ARIH1: variants seen among roughly 807,000 people sequenced by gnomAD.
ARIH1 encodes the protein E3 ubiquitin-protein ligase ARIH1.
Under a neutral mutation model 85.0 loss-of-function variants are expected in ARIH1, and 8 were observed. That is an observed-to-expected ratio of 0.09 (90% CI 0.06 to 0.17). The LOEUF (loss-of-function observed/expected upper bound fraction) is 0.17. ARIH1 is among the 10% of genes least tolerant of loss of function. ARIH1 has a pLI of 1.00. For missense variants in ARIH1, 311 were observed against 718.1 expected, an observed-to-expected ratio of 0.43 and a Z score of 6.48; for synonymous variants, 238 against 253.6, an observed-to-expected ratio of 0.94 and a Z score of 0.59.
chr15:72,490,961 T>C (rs1186951704), intron 1 of ARIH1, among the ~76,000 whole-genome samples: 4 of 151,776 alleles, frequency 2.6e-5, no homozygotes, highest in African/African-American at 4.8e-5. Flanking sequence ...ACTAAAAATA[T>C]AAAAATTAGC....
chr15:72,541,723 ACAGAT>A (rs2140422563), intron 2 of ARIH1, among the ~76,000 whole-genome samples: 2 of 152,334 alleles, frequency 1.3e-5, no homozygotes, highest in East Asian at 3.9e-4. Flanking sequence ...TATATAGTGA[ACAGAT>A]CAGTGGGGAG....
chr15:72,567,299 CTT>C (rs763442417), intron 9 of ARIH1, 122 bp downstream of exon 9: 2,732 of 545,646 alleles, frequency 5.0e-3, no homozygotes, highest in East Asian at 6.4e-3. Context: ...TCCATTGAGT[CTT>C]TTTTTTTTTT....
At chr15:72,515,647 GTTCCATTATCTC>G (rs941780418) in intron 1 of ARIH1, among the ~76,000 whole-genome samples, 2 of 152,202 alleles carry the variant, frequency 1.3e-5, no homozygotes, top group Non-Finnish European at 2.9e-5. Flanking sequence ...ATAGGCAGTG[GTTCCATTATCTC>G]TTCAGTTTTC....
Position 72,572,123 on chromosome 15 carries a change from C to T in ARIH1, c.1173C>T (p.Arg391=), listed in dbSNP as rs1299307249. 6.2e-7 allele frequency: 1 copy of T among 1,608,462 alleles called. No homozygotes were observed. ...PHGSAWYNCN[R]YNEDDAKAAR... ...TTACTTGAAGGTACAACTGTAACCG[C>T]TATAATGAGGATGATGCAAAGGCAG... is the stretch of plus-strand genomic sequence containing the variant. Residue 391 remains arginine, a synonymous_variant, in exon 11 of 14, where the codon CGC becomes CGT. Coordinates refer to ENST00000379887, the MANE Select transcript of ARIH1 (RefSeq NM_005744.5).
chr15:72,525,955 A>G (rs903958850), intron 2 of ARIH1, among the ~76,000 whole-genome samples: 6 of 152,124 alleles, frequency 3.9e-5, no homozygotes, highest in African/African-American at 9.7e-5. Flanking sequence ...CATTTTTTGC[A>G]TATAAAAATT....
At chr15:72,523,706 T>C (rs1478215614) in intron 2 of ARIH1, among the ~76,000 whole-genome samples, 1 of 152,036 alleles carries the variant, frequency 6.6e-6, no homozygotes, top group African/African-American at 2.4e-5. Flanking sequence ...CACTCTGTGT[T>C]GTTGATAGGG....
intron 3 of ARIH1, among the ~76,000 whole-genome samples, chr15:72,552,288 GATTT>G (rs2064155929): frequency 6.6e-6 from 1 of 152,116 alleles, no homozygotes; most frequent in African/African-American, 2.4e-5. Context: ...AAATCCATTG[GATTT>G]ATTTTTGTTT....
chr15:72,524,624 A>G (rs992439868), intron 2 of ARIH1, among the ~76,000 whole-genome samples: 13 of 152,224 alleles, frequency 8.5e-5, no homozygotes, highest in Non-Finnish European at 1.8e-4. Flanking sequence ...TGAATATAGT[A>G]AAAGATTCCA....
At position 72,557,011 on chromosome 15, in the gene ARIH1, A is replaced by G. The variant is rs568604795; in HGVS notation, c.737+1104A>G. On this transcript the variant is annotated intron_variant, in intron 5 of 13. Coordinates refer to ENST00000379887, the MANE Select transcript of ARIH1 (RefSeq NM_005744.5). ...TTTCGTGTGTTTGCTATTGTGAATA[A>G]TGCCACAGTGAACATACTAGTGAAT... Among the ~76,000 whole-genome samples, 4 of 152,372 alleles carry G rather than the reference A, an allele frequency of 2.6e-5. No homozygotes were observed. In the East Asian group the frequency reaches 7.7e-4, roughly 29 times the overall value.
In ARIH1 at chr15:72,594,750, C is replaced by G. The variant is rs1043356058; in HGVS notation, c.*11458C>G. On this transcript the variant is annotated 3_prime_UTR_variant, in exon 14 of 14. Coordinates refer to ENST00000379887, the MANE Select transcript of ARIH1 (RefSeq NM_005744.5). ...CGTAGAGTTTTATATTAAATAGATA[C>G]ACAACAGTGTAGTCTGCAAATAATG... is the stretch of plus-strand genomic sequence containing the variant. 2.0e-5 allele frequency: 3 copies of G among 149,364 alleles called. No homozygotes were observed. Among genetic ancestry groups the G allele is most frequent in the African/African-American group, 7.4e-5 (3 of 40,498 alleles). 9.3% of individuals were successfully genotyped at this position (149,364 alleles called of 1,614,324 possible). A position where few individuals can be genotyped will look rare whatever the true frequency, so the allele number is the denominator to read the frequency against.
Position 72,594,243 on chromosome 15 carries a change from C to T in ARIH1, c.*10951C>T, listed in dbSNP as rs1352728854. The T allele has an allele frequency of 2.7e-5, 4 of 149,578 alleles. No individual in the cohort carries two copies. Among genetic ancestry groups the T allele is most frequent in the African/African-American group, 9.9e-5 (4 of 40,530 alleles). 9.3% of individuals were successfully genotyped at this position (149,578 alleles called of 1,614,324 possible). ...GGAGTGCAGTGGCGCGATCTTGGCT[C>T]ACTGCAACCTCCGCCTCCCGGGTTC... is the stretch of plus-strand genomic sequence containing the variant. On this transcript the variant is annotated 3_prime_UTR_variant, in exon 14 of 14. Transcript: ENST00000379887.
chr15:72,579,750 AT>A lies in ARIH1; in HGVS notation c.1216-979del, dbSNP rs2064287949. 2.0e-5 allele frequency among the ~76,000 whole-genome samples: 3 copies of A among 152,202 alleles called. No individual in the cohort carries two copies. The South Asian group carries it at 6.2e-4, about 31-fold the overall frequency. ...ATAACAAAAGTAGCAGTAGATGTCT[AT>A]TCCTGATTTTAGCCTAGATCACAGT... On this transcript the variant is annotated intron_variant, in intron 11 of 13. Transcript: ENST00000379887.
chr15:72,553,576 T>G (rs2064161856), intron 3 of ARIH1, among the ~76,000 whole-genome samples: 1 of 152,094 alleles, frequency 6.6e-6, no homozygotes, highest in African/African-American at 2.4e-5. Context: ...CAACTGCTCA[T>G]CTGTTTTCTT....
At position 72,593,561 on chromosome 15, in the gene ARIH1, T is replaced by C. The variant is rs1174354561; in HGVS notation, c.*10269T>C. ...TGGATATACAGTTGTTCCAGCAACA[T>C]TTACTTAAAAAGACTTTTCTTTACC... On this transcript the variant is annotated 3_prime_UTR_variant, in exon 14 of 14. Coordinates refer to ENST00000379887, the MANE Select transcript of ARIH1 (RefSeq NM_005744.5). 5.9e-5 allele frequency: 9 copies of C among 152,224 alleles called. No homozygotes were observed. The highest frequency in any genetic ancestry group is 4.4e-5 in the Non-Finnish European group (3 of 68,044). 9.4% of individuals were successfully genotyped at this position (152,224 alleles called of 1,614,324 possible). A position where few individuals can be genotyped will look rare whatever the true frequency, so the allele number is the denominator to read the frequency against.
chr15:72,585,167 T>A lies in ARIH1; in HGVS notation c.*1875T>A, dbSNP rs2064310728. ...TTTACTGGCAACTGTTCTTTTCCCA[T>A]CAAAAATCAGTGAATGTTTGCTGAG... On this transcript the variant is annotated 3_prime_UTR_variant, in exon 14 of 14. Coordinates refer to ENST00000379887, the MANE Select transcript of ARIH1 (RefSeq NM_005744.5). 1.3e-5 allele frequency: 2 copies of A among 152,144 alleles called. No homozygotes were observed. The highest frequency in any genetic ancestry group is 2.9e-5 in the Non-Finnish European group (2 of 68,030). 9.4% of individuals were successfully genotyped at this position (152,144 alleles called of 1,614,324 possible).
At chr15:72,520,732 A>G (rs1285019416) in intron 2 of ARIH1, among the ~76,000 whole-genome samples, 1 of 152,122 alleles carries the variant, frequency 6.6e-6, no homozygotes, top group South Asian at 2.1e-4. Flanking sequence ...TTCTAACAAT[A>G]TTTACTTGAA....
intron 5 of ARIH1, among the ~76,000 whole-genome samples, chr15:72,560,471 A>G (rs924331449): frequency 1.4e-4 from 21 of 152,218 alleles, no homozygotes; most frequent in African/African-American, 4.8e-4. Context: ...TTTACAGATT[A>G]GTAACTGAGA....
rs1266571425 is a variant in ARIH1 at position 72,592,776 on chromosome 15, A to G, written c.*9484A>G. 3 of 152,224 alleles carry G rather than the reference A, an allele frequency of 2.0e-5. No individual in the cohort carries two copies. The highest frequency in any genetic ancestry group is 1.9e-4 in the East Asian group (1 of 5,202). 9.4% of individuals were successfully genotyped at this position (152,224 alleles called of 1,614,324 possible). On this transcript the variant is annotated 3_prime_UTR_variant, in exon 14 of 14. Transcript: ENST00000379887. Reference sequence around the variant, plus strand: ...TTATTGCTGAGTAGTATTTCATTCTATAAATATACCACAATTTGTTTATTC... The same window carrying G: ...TTATTGCTGAGTAGTATTTCATTCTGTAAATATACCACAATTTGTTTATTC...
At chr15:72,528,862 C>G (rs1034390400) in intron 2 of ARIH1, among the ~76,000 whole-genome samples, 4 of 151,796 alleles carry the variant, frequency 2.6e-5, no homozygotes, top group African/African-American at 9.7e-5. Context: ...AGACAAAAAA[C>G]AAAAAACAAT....
Sources: allele counts gnomAD v4.1 joint callset (sites outside exome capture counted in the v4.1 genomes callset), GRCh38; gene constraint gnomAD v4.1.1; transcripts MANE v1.5; gene names NCBI Gene and HGNC (gene_info 2026-07-23, HGNC 2026-07-21).